The following DNAAF4 variants were observed in gnomAD, a reference collection of about 807,000 sequenced individuals.
The protein encoded by DNAAF4 is dynein axonemal assembly factor 4.
Under a neutral mutation model 51.8 loss-of-function variants are expected in DNAAF4, and 43 were observed. The observed-to-expected ratio is 0.83, with a 90% confidence interval of 0.65 to 1.07. DNAAF4 has a LOEUF of 1.07. Ranked by LOEUF, DNAAF4 falls within the 50% of genes least tolerant of loss-of-function variation. The pLI, the probability that DNAAF4 is intolerant of heterozygous loss-of-function variation, is 0.00. For missense variants in DNAAF4, 581 were observed against 493.0 expected (o/e 1.18, Z -1.69); for synonymous variants, 194 against 165.6 (o/e 1.17, Z -1.32).
At chr15:55,425,195 G>A (rs190241032) in intron 7 of DNAAF4, among the ~76,000 whole-genome samples, 15 of 152,310 alleles carry the variant, frequency 9.8e-5, no homozygotes, top group African/African-American at 2.4e-4. Context: ...CCCAGTCATG[G>A]CAAGAATCCT....
chr15:55,420,430 T>C (rs1416797141), intron 7 of DNAAF4, among the ~76,000 whole-genome samples: 1 of 152,058 alleles, frequency 6.6e-6, no homozygotes, highest in African/African-American at 2.4e-5. Flanking sequence ...AAAAAAATCA[T>C]TGTTATTTTC....
intron 5 of DNAAF4, among the ~76,000 whole-genome samples, chr15:55,463,033 G>A (rs1293211094): frequency 6.6e-6 from 1 of 152,110 alleles, no homozygotes; most frequent in African/African-American, 2.4e-5. Flanking sequence ...AGTTAGCTAG[G>A]TGTGGTGGTG....
chr15:55,457,069 G>A (rs1436385462), intron 5 of DNAAF4, among the ~76,000 whole-genome samples: 1 of 152,184 alleles, frequency 6.6e-6, no homozygotes, highest in Non-Finnish European at 1.5e-5. Context: ...AGATGCGAGT[G>A]CAGAAGCCAC....
At chr15:55,436,650 G>A (rs1007333111) in intron 7 of DNAAF4, among the ~76,000 whole-genome samples, 4 of 152,136 alleles carry the variant, frequency 2.6e-5, no homozygotes, top group African/African-American at 9.7e-5. Context: ...CTCCCAGAGT[G>A]CTGGGATTAT....
At chr15:55,423,432 G>C (rs956139791) in intron 7 of DNAAF4, among the ~76,000 whole-genome samples, 4 of 151,892 alleles carry the variant, frequency 2.6e-5, no homozygotes, top group Admixed American at 2.0e-4. Context: ...GGTTAGTCTT[G>C]GACTCCTGGG....
At chr15:55,477,686 A>C (rs1219811938) in intron 4 of DNAAF4, among the ~76,000 whole-genome samples, 1 of 151,974 alleles carries the variant, frequency 6.6e-6, no homozygotes, top group Non-Finnish European at 1.5e-5. Flanking sequence ...ATATATACAC[A>C]TATATGTGCA....
At chr15:55,454,127 C>A (rs2057980977) in intron 5 of DNAAF4, among the ~76,000 whole-genome samples, 1 of 151,340 alleles carries the variant, frequency 6.6e-6, no homozygotes, top group Admixed American at 6.6e-5. Context: ...ATGGTGAAAC[C>A]CCGTGTCTTC....
chr15:55,494,281 G>A (rs756615877), intron 3 of DNAAF4, among the ~76,000 whole-genome samples: 1 of 152,038 alleles, frequency 6.6e-6, no homozygotes. Context: ...AGCCCGCCTC[G>A]GCCTACCAAA....
chr15:55,463,325 T>A (rs1188925638), intron 5 of DNAAF4, among the ~76,000 whole-genome samples: 1 of 151,946 alleles, frequency 6.6e-6, no homozygotes, highest in Non-Finnish European at 1.5e-5. Context: ...CCATGGCCAA[T>A]ATTATAATAA....
At position 55,504,674 on chromosome 15, in the gene DNAAF4, T is replaced by G. The variant is rs530991512; in HGVS notation, c.-256+3448A>C. Among the ~76,000 whole-genome samples, 88 of 152,200 alleles carry G rather than the reference T, an allele frequency of 5.8e-4. 1 individual carries two copies. The highest frequency in any genetic ancestry group is 2.2e-3 in the Admixed American group (33 of 15,284). On this transcript the variant is annotated intron_variant, in intron 1 of 9. Coordinates refer to ENST00000321149, the MANE Select transcript of DNAAF4 (RefSeq NM_130810.4). ...CTGATAAAAACAAGCAATGGGGAAA[T>G]GATTCCCTATTTAATAAATGTGCTG... is the stretch of plus-strand genomic sequence containing the variant.
At chr15:55,433,046 T>G (rs2057521954) in intron 8 of DNAAF4, among the ~76,000 whole-genome samples, 1 of 152,040 alleles carries the variant, frequency 6.6e-6, no homozygotes, top group Non-Finnish European at 1.5e-5. Flanking sequence ...ACGCCTGTAA[T>G]TCCAGCACTT....
At chr15:55,479,002 G>T (rs908580357) in intron 4 of DNAAF4, among the ~76,000 whole-genome samples, 1 of 151,888 alleles carries the variant, frequency 6.6e-6, no homozygotes, top group Non-Finnish European at 1.5e-5. Flanking sequence ...AACTTGTATG[G>T]TTTTCATGAA....
At chr15:55,463,134 AC>A (rs1226399078) in intron 5 of DNAAF4, among the ~76,000 whole-genome samples, 1 of 150,870 alleles carries the variant, frequency 6.6e-6, no homozygotes, top group Non-Finnish European at 1.5e-5. Flanking sequence ...AGATCATGCC[AC>A]TGCACTCCAG....
intron 6 of DNAAF4, among the ~76,000 whole-genome samples, chr15:55,442,211 C>T (rs1195752646): frequency 2.0e-5 from 3 of 152,068 alleles, no homozygotes; most frequent in African/African-American, 4.8e-5. Context: ...CTCCGCTTCC[C>T]GGGTTCAAGC....
At chr15:55,456,171 C>T (rs973150668) in intron 5 of DNAAF4, among the ~76,000 whole-genome samples, 2 of 151,730 alleles carry the variant, frequency 1.3e-5, no homozygotes, top group Admixed American at 6.6e-5. Flanking sequence ...CCTCCACCTC[C>T]CTGGGTTCAA....
chr15:55,431,474 C>CTTTTTTT (rs55839604), intron 9 of DNAAF4, among the ~76,000 whole-genome samples: 1 of 134,914 alleles, frequency 7.4e-6, no homozygotes, highest in African/African-American at 2.7e-5. Context: ...TATATTTTAT[C>CTTTTTTT]TTTTTTTTTT....
chr15:55,431,342 G>A (rs991601979), intron 9 of DNAAF4, among the ~76,000 whole-genome samples: 1 of 143,336 alleles, frequency 7.0e-6, no homozygotes, highest in Non-Finnish European at 1.5e-5. Context: ...AGTTATTTCC[G>A]AGCTTAGGTG....
At chr15:55,435,483 C>G (rs114880174) in intron 7 of DNAAF4, among the ~76,000 whole-genome samples, 2 of 151,946 alleles carry the variant, frequency 1.3e-5, no homozygotes, top group African/African-American at 4.8e-5. Flanking sequence ...TTTTTAAGAC[C>G]GTGGGAAGAG....
chr15:55,458,558 A>C (rs1001112655), intron 5 of DNAAF4, among the ~76,000 whole-genome samples: 5 of 152,228 alleles, frequency 3.3e-5, no homozygotes, highest in Admixed American at 3.3e-4. Context: ...ACAAGCAAAC[A>C]TAAGAATAAT....
Sources: allele counts gnomAD v4.1 joint callset (sites outside exome capture counted in the v4.1 genomes callset), GRCh38; gene constraint gnomAD v4.1.1; transcripts MANE v1.5; gene names NCBI Gene and HGNC (gene_info 2026-07-23, HGNC 2026-07-21).